PKNOX2: variants seen among roughly 807,000 people sequenced by gnomAD.
PKNOX2 encodes the protein homeobox protein PKNOX2.
In PKNOX2, 14 loss-of-function variants were observed where a neutral mutation model predicts 53.1. That is an observed-to-expected ratio of 0.26 (90% CI 0.17 to 0.41). The LOEUF (loss-of-function observed/expected upper bound fraction) is 0.41. Among genes scored for constraint, PKNOX2 ranks in the 10% least tolerant of loss-of-function variants. The pLI is 1.00. For missense variants in PKNOX2, 496 were observed against 602.8 expected, an observed-to-expected ratio of 0.82 and a Z score of 1.85; for synonymous variants, 257 against 242.8, an observed-to-expected ratio of 1.06 and a Z score of -0.54.
chr11:125,366,307 C>T (rs1313271778), intron 4 of PKNOX2, among the ~76,000 whole-genome samples: 1 of 152,158 alleles, frequency 6.6e-6, no homozygotes, highest in African/African-American at 2.4e-5. Flanking sequence ...GAAAGGCTCC[C>T]CCAGATCAGC....
chr11:125,176,210 A>G (rs1460308489), intron 1 of PKNOX2, among the ~76,000 whole-genome samples: 1 of 152,110 alleles, frequency 6.6e-6, no homozygotes, highest in African/African-American at 2.4e-5. Context: ...CACCTAATCC[A>G]GTGTGGGAGG....
At chr11:125,318,893 A>C (rs73621055) in intron 2 of PKNOX2, among the ~76,000 whole-genome samples, 9,860 of 152,046 alleles carry the variant, frequency 0.065, 965 homozygotes, top group African/African-American at 0.21. Context: ...TCACCCTTTT[A>C]TCCTGCTGTT....
chr11:125,247,618 A>G (rs1356064797), intron 2 of PKNOX2, among the ~76,000 whole-genome samples: 1 of 152,182 alleles, frequency 6.6e-6, no homozygotes, highest in African/African-American at 2.4e-5. Flanking sequence ...GGACAACTTC[A>G]GCAGCCTCCT....
chr11:125,271,036 C>T (rs1452184141), intron 2 of PKNOX2, among the ~76,000 whole-genome samples: 1 of 152,126 alleles, frequency 6.6e-6, no homozygotes, highest in African/African-American at 2.4e-5. Flanking sequence ...CAGGACTAAC[C>T]CCTGTGACTC....
At chr11:125,264,274 C>T (rs1945128456) in intron 2 of PKNOX2, among the ~76,000 whole-genome samples, 1 of 152,164 alleles carries the variant, frequency 6.6e-6, no homozygotes, top group Non-Finnish European at 1.5e-5. Flanking sequence ...CCCAACCCCT[C>T]TCCTCTCCTG....
intron 2 of PKNOX2, among the ~76,000 whole-genome samples, chr11:125,324,772 G>C (rs1413791437): frequency 6.6e-6 from 1 of 152,184 alleles, no homozygotes; most frequent in Non-Finnish European, 1.5e-5. Flanking sequence ...ATTGTACCAA[G>C]ATGCACTTAC....
chr11:125,376,452 C>T (rs996104357), intron 5 of PKNOX2, among the ~76,000 whole-genome samples: 4 of 152,200 alleles, frequency 2.6e-5, no homozygotes, highest in African/African-American at 9.7e-5. Context: ...CAAGCACCTT[C>T]CTCCCTACTC....
At chr11:125,207,514 C>T (rs932086974) in intron 1 of PKNOX2, among the ~76,000 whole-genome samples, 3 of 151,972 alleles carry the variant, frequency 2.0e-5, no homozygotes, top group African/African-American at 7.3e-5. Flanking sequence ...ACAAGAGACA[C>T]AGAGAGGGTA....
At chr11:125,362,409 T>C (rs187299162) in intron 4 of PKNOX2, among the ~76,000 whole-genome samples, 3 of 152,272 alleles carry the variant, frequency 2.0e-5, no homozygotes, top group African/African-American at 7.2e-5. Flanking sequence ...GGTCTTGCTC[T>C]ATCTCCCAGG....
intron 2 of PKNOX2, among the ~76,000 whole-genome samples, chr11:125,274,214 A>G (rs187583499): frequency 1.3e-5 from 2 of 152,326 alleles, no homozygotes; most frequent in African/African-American, 4.8e-5. Context: ...TAACTTGCCC[A>G]TGGTCACATA....
At chr11:125,286,242 G>A (rs976616371) in intron 2 of PKNOX2, among the ~76,000 whole-genome samples, 10 of 152,168 alleles carry the variant, frequency 6.6e-5, no homozygotes, top group Admixed American at 2.6e-4. Flanking sequence ...CAGCACAGTC[G>A]TAACTAAAGG....
intron 2 of PKNOX2, among the ~76,000 whole-genome samples, chr11:125,326,992 G>T (rs974822164): frequency 1.3e-5 from 2 of 152,194 alleles, no homozygotes; most frequent in African/African-American, 4.8e-5. Context: ...CCGCACTCAC[G>T]GAAGAAGAGG....
chr11:125,381,971 C>T (rs548615536), intron 5 of PKNOX2, among the ~76,000 whole-genome samples: 2 of 152,302 alleles, frequency 1.3e-5, no homozygotes, highest in Non-Finnish European at 2.9e-5. Flanking sequence ...AGGACAGAAG[C>T]AGAGGAGATC....
chr11:125,259,972 G>C (rs976496351), intron 2 of PKNOX2, among the ~76,000 whole-genome samples: 5 of 151,712 alleles, frequency 3.3e-5, no homozygotes, highest in African/African-American at 1.2e-4. Context: ...CAGCTCCTGG[G>C]CTCAAGCGAT....
At chr11:125,274,820 G>C (rs768779639) in intron 2 of PKNOX2, among the ~76,000 whole-genome samples, 2 of 152,200 alleles carry the variant, frequency 1.3e-5, no homozygotes, top group Admixed American at 6.5e-5. Flanking sequence ...AGTCAGATCA[G>C]GGGCGGTAGG....
At chr11:125,309,220 CTCTT>C (rs972257577) in intron 2 of PKNOX2, among the ~76,000 whole-genome samples, 6 of 148,478 alleles carry the variant, frequency 4.0e-5, no homozygotes, top group Non-Finnish European at 7.4e-5. Flanking sequence ...CTTTCTCTCT[CTCTT>C]TCTTCCTTCC....
At chr11:125,397,293 A>G (rs1954467150) in intron 6 of PKNOX2, among the ~76,000 whole-genome samples, 1 of 152,244 alleles carries the variant, frequency 6.6e-6, no homozygotes, top group East Asian at 1.9e-4. Context: ...CCGGTATCCC[A>G]TGAGGCACTC....
At chr11:125,381,147 G>A (rs1953200540) in intron 5 of PKNOX2, among the ~76,000 whole-genome samples, 1 of 152,204 alleles carries the variant, frequency 6.6e-6, no homozygotes, top group African/African-American at 2.4e-5. Context: ...GGGCCAGGTG[G>A]ATGGAGCATG....
rs1280546881 is a variant in PKNOX2, at chr11:125,249,796, G to A, written c.-130+14681G>A. 2.6e-5 allele frequency among the ~76,000 whole-genome samples: 4 copies of A among 152,088 alleles called. No homozygotes were observed. In the South Asian group the frequency reaches 6.2e-4, roughly 24 times the overall value. On this transcript the variant is annotated intron_variant, in intron 2 of 12. Transcript: ENST00000298282. ...TAAAATAAAAAATTTTGGGCTGCAC[G>A]CGGTAGCTCACGCCTGTAATCCCAG...
Sources: gnomAD v4.1 joint callset for allele counts (sites outside exome capture counted in the v4.1 genomes callset) on GRCh38, gnomAD v4.1.1 for gene constraint, MANE v1.5 for transcripts, NCBI Gene and HGNC (gene_info 2026-07-23, HGNC 2026-07-21) for gene names.